Variants in PRKAR1A observed in about 807,000 individuals in gnomAD.
PRKAR1A encodes the protein protein kinase cAMP-dependent type I regulatory subunit alpha, also known as cAMP-dependent protein kinase type I-alpha regulatory subunit.
In PRKAR1A, 3 loss-of-function variants were observed where a neutral mutation model predicts 52.0. The observed-to-expected ratio is 0.06, with a 90% confidence interval of 0.03 to 0.15. The LOEUF (loss-of-function observed/expected upper bound fraction) is 0.15, where lower values mean the gene tolerates loss of function less well. Among genes scored for constraint, PRKAR1A ranks in the 10% least tolerant of loss-of-function variants. PRKAR1A has a pLI of 1.00. For missense variants in PRKAR1A, 240 were observed against 477.4 expected (o/e 0.50, Z 4.63); for synonymous variants, 188 against 168.4 (o/e 1.12, Z -0.90).
At chr17:68,427,156 A>G in the PRKAR1A span, 1 of 1,614,072 alleles carries the variant, frequency 6.2e-7, no homozygotes, top group East Asian at 2.2e-5. Flanking sequence ...GAGGCTGAAG[A>G]TGCACTTGGT....
chr17:68,433,776 T>TTTTTTTTTG, the PRKAR1A span, among the ~76,000 whole-genome samples: 99 of 63,158 alleles, frequency 1.6e-3, no homozygotes, highest in African/African-American at 4.7e-3. Context: ...TTTTTTTTTT[T>TTTTTTTTTG]TTTTTTTTTT....
At position 68,546,138 on chromosome 17, in the gene PRKAR1A, C is replaced by T. The variant is rs1046876011; in HGVS notation, c.974-4946C>T. On this transcript the variant is annotated intron_variant, in intron 11 of 11. Transcript: ENST00000585981. ...GAGCCGAGATTGTGCCACTGCACTA[C>T]AGCCTGAGCAACAGAGCGAGACTCC... Among the ~76,000 whole-genome samples, 6 of 136,426 alleles carry T rather than the reference C, an allele frequency of 4.4e-5. No individual in the cohort carries two copies. The Admixed American group carries it at 4.7e-4, about 11-fold the overall frequency. 89.5% of individuals were successfully genotyped at this position (136,426 alleles called of 152,430 possible).
intron 10 of PRKAR1A, 22 bp downstream of exon 10, chr17:68,530,023 A>G (rs879088270): frequency 6.2e-7 from 1 of 1,605,110 alleles, no homozygotes; most frequent in Non-Finnish European, 8.5e-7. Flanking sequence ...TTCCCTCACA[A>G]TAAATACATG....
At chr17:68,537,894 G>A (rs1455627536), downstream of PRKAR1A, among the ~76,000 whole-genome samples, 1 of 152,108 alleles carries the variant, frequency 6.6e-6, no homozygotes, top group Non-Finnish European at 1.5e-5. This position sits in a 1 kb window ranked among gnomAD's most constrained non-coding sequence, Gnocchi z 4.2. Context: ...CAGGTAAAAA[G>A]GGAACAAATG....
At chr17:68,456,257 G>A in the PRKAR1A span, among the ~76,000 whole-genome samples, 4 of 152,146 alleles carry the variant, frequency 2.6e-5, no homozygotes, top group African/African-American at 7.2e-5. Flanking sequence ...GTTCAGCACC[G>A]GGTGTTTTTA....
the PRKAR1A span, among the ~76,000 whole-genome samples, chr17:68,429,226 G>A: frequency 1.3e-5 from 2 of 152,166 alleles, no homozygotes; most frequent in Non-Finnish European, 2.9e-5. Flanking sequence ...CTCCCTACAT[G>A]GGACGCAGTC....
the PRKAR1A span, chr17:68,422,040 T>C: frequency 3.4e-6 from 2 of 588,704 alleles, no homozygotes; most frequent in Non-Finnish European, 6.1e-6. Context: ...TATAAAAATG[T>C]CTCTGTGTGT....
intron 2 of PRKAR1A, among the ~76,000 whole-genome samples, chr17:68,522,369 A>G (rs2085638896): frequency 6.6e-6 from 1 of 152,192 alleles, no homozygotes. Context: ...GTCTCTTGCT[A>G]TCTGCAGTAG....
At chr17:68,455,286 C>T in the PRKAR1A span, among the ~76,000 whole-genome samples, 1 of 151,138 alleles carries the variant, frequency 6.6e-6, no homozygotes, top group Non-Finnish European at 1.5e-5. Context: ...TCGCTTGAAC[C>T]CTGGGAGGCA....
the PRKAR1A span, among the ~76,000 whole-genome samples, chr17:68,433,178 T>C: frequency 6.6e-6 from 1 of 152,248 alleles, no homozygotes; most frequent in Non-Finnish European, 1.5e-5. Context: ...GTTATGTTCA[T>C]TTTGCAGATG....
At chr17:68,417,539 GC>G in the PRKAR1A span, among the ~76,000 whole-genome samples, 2 of 151,802 alleles carry the variant, frequency 1.3e-5, no homozygotes, top group Non-Finnish European at 2.9e-5. Context: ...TCCACACTGA[GC>G]CTCCAGCAAT....
Position 68,531,336 on chromosome 17 carries a change from C to T in PRKAR1A, c.*887C>T. The stretch of plus-strand genomic sequence containing the variant: ...TTTAGAGCGTTTGGTTAAAGTATGT[C>T]CTTCAGCTGACTCCAGTATAATCTC... On this transcript the variant is annotated 3_prime_UTR_variant, in exon 11 of 11. Transcript: ENST00000589228. 9.4e-7 allele frequency: 1 copy of T among 1,066,036 alleles called. No homozygotes were observed. The highest frequency in any genetic ancestry group is 1.1e-6 in the Non-Finnish European group (1 of 879,582). The allele number at this position is 1,066,036 out of a possible 1,614,324, so 66.0% of individuals were successfully genotyped here.
At chr17:68,479,358 C>T in the PRKAR1A span, among the ~76,000 whole-genome samples, 8 of 151,962 alleles carry the variant, frequency 5.3e-5, no homozygotes, top group Admixed American at 1.3e-4. Context: ...TCTACATTTT[C>T]TTTTTGTATT....
chr17:68,543,752 C>T, intron 11 of PRKAR1A: 2 of 1,583,724 alleles, frequency 1.3e-6, no homozygotes, highest in Non-Finnish European at 1.7e-6. Context: ...ACGCCCTGGA[C>T]TCAGACTTCA....
the PRKAR1A span, among the ~76,000 whole-genome samples, chr17:68,502,807 A>C: frequency 6.6e-6 from 1 of 151,876 alleles, no homozygotes; most frequent in Non-Finnish European, 1.5e-5. Context: ...TCTGAGCTAA[A>C]GTTGAGTAAA....
the PRKAR1A span, among the ~76,000 whole-genome samples, chr17:68,456,388 G>A: frequency 3.9e-5 from 6 of 152,210 alleles, no homozygotes; most frequent in Admixed American, 3.9e-4. Flanking sequence ...ACAGAAACTG[G>A]TACAGCAGGA....
the PRKAR1A span, among the ~76,000 whole-genome samples, chr17:68,437,948 TAAAAAAAA>T: frequency 2.3e-3 from 179 of 78,798 alleles, 2 homozygotes; most frequent in South Asian, 4.5e-3. Context: ...ACATCTCTCT[TAAAAAAAA>T]AAAAAAAAAA....
downstream of PRKAR1A, among the ~76,000 whole-genome samples, chr17:68,538,095 A>C (rs1201875651): frequency 6.6e-6 from 1 of 152,258 alleles, no homozygotes; most frequent in Non-Finnish European, 1.5e-5. Context: ...AGAAGTTTCT[A>C]GTAGGTGAAT....
At chr17:68,503,689 T>C in the PRKAR1A span, among the ~76,000 whole-genome samples, 2 of 152,160 alleles carry the variant, frequency 1.3e-5, no homozygotes, top group Non-Finnish European at 2.9e-5. Flanking sequence ...AACAACTATA[T>C]AGGAAAAAAT....
Sources: allele counts gnomAD v4.1 joint callset (sites outside exome capture counted in the v4.1 genomes callset), GRCh38; gene constraint gnomAD v4.1.1; non-coding constraint Gnocchi (gnomAD v3.1); transcripts MANE v1.5; gene names NCBI Gene and HGNC (gene_info 2026-07-23, HGNC 2026-07-21).